The following RPS6KA5 variants were observed in gnomAD, a reference collection of about 807,000 sequenced individuals.
RPS6KA5 encodes the protein ribosomal protein S6 kinase A5, also known as ribosomal protein S6 kinase alpha-5.
RPS6KA5 carries 27 observed loss-of-function variants against 85.5 expected under a neutral mutation model. The observed-to-expected ratio is 0.32, with a 90% CI of 0.23 to 0.44. The LOEUF is 0.44. Among genes scored for constraint, RPS6KA5 ranks in the 20% least tolerant of loss-of-function variants. RPS6KA5 has a pLI of 1.00. For synonymous variants in RPS6KA5, 334 were observed against 348.2 expected (o/e 0.96, Z 0.46); for missense variants, 811 against 980.9 (o/e 0.83, Z 2.31).
chr14:91,003,359 AAG>A (rs1368307316), intron 1 of RPS6KA5, among the ~76,000 whole-genome samples: 3 of 152,218 alleles, frequency 2.0e-5, no homozygotes, highest in Non-Finnish European at 4.4e-5. Context: ...AGGAAATTAA[AAG>A]AGGTTATAAA....
intron 1 of RPS6KA5, among the ~76,000 whole-genome samples, chr14:91,022,596 C>T (rs1236927093): frequency 1.3e-5 from 2 of 152,106 alleles, no homozygotes; most frequent in Non-Finnish European, 2.9e-5. Flanking sequence ...GAAATAAATG[C>T]CTGAATTTGA....
chr14:91,016,207 T>C (rs1002501620), intron 1 of RPS6KA5, among the ~76,000 whole-genome samples: 5 of 152,194 alleles, frequency 3.3e-5, no homozygotes, highest in African/African-American at 1.2e-4. Flanking sequence ...TTAGTGCCTA[T>C]AAACACAACT....
At chr14:90,876,162 C>T (rs2033458984) in intron 14 of RPS6KA5, among the ~76,000 whole-genome samples, 1 of 152,102 alleles carries the variant, frequency 6.6e-6, no homozygotes, top group Non-Finnish European at 1.5e-5. Flanking sequence ...ACATTTATGA[C>T]TATATTCAGA....
intron 1 of RPS6KA5, among the ~76,000 whole-genome samples, chr14:91,021,803 T>C (rs754341971): frequency 5.3e-5 from 8 of 152,136 alleles, no homozygotes; most frequent in Non-Finnish European, 1.2e-4. Flanking sequence ...CATGCCCCCT[T>C]TCTTTACTTT....
In RPS6KA5 at chr14:90,864,957, T is replaced by C. The variant is rs557044161; in HGVS notation, c.*7117A>G. On this transcript the variant is annotated 3_prime_UTR_variant, in exon 17 of 17. Transcript: ENST00000614987. ...AACTAGAACACTTACACATTATTGG[T>C]GGGTATGTAAATTGGTACAACCATT... is the stretch of plus-strand genomic sequence containing the variant. 4.6e-5 allele frequency: 7 copies of C among 152,362 alleles called. No homozygotes were observed. The highest frequency in any genetic ancestry group is 4.6e-4 in the Admixed American group (7 of 15,306). The allele number at this position is 152,362 out of a possible 1,614,324, so 9.4% of individuals were successfully genotyped here. A position where few individuals can be genotyped will look rare whatever the true frequency, so the allele number is the denominator to read the frequency against.
At chr14:90,927,606 C>T (rs150420403) in intron 5 of RPS6KA5, among the ~76,000 whole-genome samples, 10 of 152,040 alleles carry the variant, frequency 6.6e-5, no homozygotes, top group East Asian at 1.9e-4. Flanking sequence ...ATTAAAATTA[C>T]GTACATTACA....
rs770164792 is a variant in RPS6KA5 at position 90,900,663 on chromosome 14, A to G, written c.1193T>C (p.Met398Thr). Residue 398 changes from methionine (M) to threonine (T), a missense_variant, in exon 10 of 17, where the codon ATG becomes ACG. This residue lies in a region of RPS6KA5 where 650 missense variants were observed against 793.4 expected (regional missense o/e 0.82). Transcript: ENST00000614987. ...AAVIDPLQFH[M>T]GVERPGVTNV... ...TGTCACTCCAGGACGTTCAACTCCC[A>G]TGTGAAACTGAAGAGGGTCTATGAC... The G allele has an allele frequency of 1.2e-6, 2 of 1,613,952 alleles. No individual in the cohort carries two copies. Among genetic ancestry groups the G allele is most frequent in the Non-Finnish European group, 1.7e-6 (2 of 1,179,844 alleles).
chr14:90,906,712 A>G (rs2140247807), intron 7 of RPS6KA5, among the ~76,000 whole-genome samples: 1 of 152,278 alleles, frequency 6.6e-6, no homozygotes, highest in Non-Finnish European at 1.5e-5. Flanking sequence ...TTAAAAGGAC[A>G]AAAGAGAACA....
chr14:90,948,501 C>G (rs12435799), intron 3 of RPS6KA5, among the ~76,000 whole-genome samples: 3,928 of 152,204 alleles, frequency 0.026, 69 homozygotes, highest in Non-Finnish European at 0.037. Flanking sequence ...TCGAGACCAT[C>G]CTGGCTAACA....
chr14:91,031,939 T>A (rs2042202833), intron 1 of RPS6KA5, among the ~76,000 whole-genome samples: 1 of 149,570 alleles, frequency 6.7e-6, no homozygotes, highest in African/African-American at 2.4e-5. Flanking sequence ...ATAAAATCCC[T>A]CTTGTACTAT....
intron 14 of RPS6KA5, among the ~76,000 whole-genome samples, chr14:90,875,660 C>T (rs1471339350): frequency 6.6e-6 from 1 of 151,744 alleles, no homozygotes; most frequent in Non-Finnish European, 1.5e-5. Context: ...CCCAAATGTC[C>T]AACAACGATA....
At chr14:90,971,916 G>A in intron 3 of RPS6KA5, among the ~76,000 whole-genome samples, 1 of 152,182 alleles carries the variant, frequency 6.6e-6, no homozygotes, top group Middle Eastern at 3.2e-3. Flanking sequence ...TGAGCAATGT[G>A]GGAAGGTAGG....
intron 1 of RPS6KA5, among the ~76,000 whole-genome samples, chr14:91,010,740 A>T (rs1016226029): frequency 2.0e-5 from 3 of 152,338 alleles, no homozygotes; most frequent in Middle Eastern, 3.4e-3. Context: ...CTTTTTTCCA[A>T]CTTAAGACAG....
intron 5 of RPS6KA5, among the ~76,000 whole-genome samples, chr14:90,939,326 G>A (rs1212631888): frequency 6.6e-6 from 1 of 152,164 alleles, no homozygotes; most frequent in African/African-American, 2.4e-5. Flanking sequence ...TCTCTAGGAA[G>A]GTCCAAACTT....
At chr14:91,051,665 T>G (rs994669843) in intron 1 of RPS6KA5, among the ~76,000 whole-genome samples, 1 of 151,944 alleles carries the variant, frequency 6.6e-6, no homozygotes, top group Non-Finnish European at 1.5e-5. Context: ...GTTTTTGTAT[T>G]TTTACTAGAG....
intron 3 of RPS6KA5, among the ~76,000 whole-genome samples, chr14:90,970,852 C>T (rs1378646874): frequency 6.6e-6 from 1 of 151,636 alleles, no homozygotes; most frequent in Non-Finnish European, 1.5e-5. Context: ...GAAAAATCCA[C>T]CAAATCCAAT....
At chr14:90,992,473 G>A (rs1267217326) in intron 2 of RPS6KA5, among the ~76,000 whole-genome samples, 1 of 152,196 alleles carries the variant, frequency 6.6e-6, no homozygotes, top group Non-Finnish European at 1.5e-5. Flanking sequence ...AATAGATAAT[G>A]AGTCAAAGTA....
chr14:90,991,682 A>T (rs1375314453), intron 2 of RPS6KA5, among the ~76,000 whole-genome samples: 2 of 144,312 alleles, frequency 1.4e-5, no homozygotes, highest in East Asian at 4.2e-4. Context: ...AGCCTGGGTG[A>T]CAGAGTGAGA....
chr14:91,045,177 C>T (rs2042819315), intron 1 of RPS6KA5, among the ~76,000 whole-genome samples: 1 of 151,800 alleles, frequency 6.6e-6, no homozygotes, highest in Non-Finnish European at 1.5e-5. Context: ...ATAATTACAT[C>T]ATTTCAATAA....
Sources: allele counts gnomAD v4.1 joint callset (sites outside exome capture counted in the v4.1 genomes callset), GRCh38; gene constraint gnomAD v4.1.1; regional missense constraint gnomAD v4.1.1; transcripts MANE v1.5; gene names NCBI Gene and HGNC (gene_info 2026-07-23, HGNC 2026-07-21).